PGM3: variants seen among roughly 807,000 people sequenced by gnomAD.
PGM3 encodes phosphoglucomutase 3.
PGM3 carries 40 observed loss-of-function variants against 66.2 expected under a neutral mutation model. The observed-to-expected ratio is 0.60, with a 90% CI of 0.47 to 0.79. PGM3 has a LOEUF of 0.79. Ranked by LOEUF, PGM3 falls within the 30% of genes least tolerant of loss-of-function variation. The pLI, the probability that PGM3 is intolerant of heterozygous loss-of-function variation, is 0.00. For missense variants in PGM3, 537 were observed against 643.4 expected (o/e 0.83, Z 1.79); for synonymous variants, 191 against 224.2 (o/e 0.85, Z 1.32).
At chr6:83,156,059 G>C in the PGM3 span, 14 of 1,613,854 alleles carry the variant, frequency 8.7e-6, no homozygotes, top group Non-Finnish European at 1.1e-5. Context: ...GCTATTTTTA[G>C]CAGTGAAATT....
chr6:83,156,208 A>G (rs1459752949), downstream of PGM3: 2 of 877,128 alleles, frequency 2.3e-6, no homozygotes, highest in Non-Finnish European at 3.3e-6. Flanking sequence ...TCAAGTGTAG[A>G]TCAATCGGGA....
chr6:83,172,663 CAA>C (rs1200061000), intron 10 of PGM3, among the ~76,000 whole-genome samples: 1 of 151,728 alleles, frequency 6.6e-6, no homozygotes, highest in Non-Finnish European at 1.5e-5. Flanking sequence ...CATCTCAAAA[CAA>C]AACAACAACA....
At chr6:83,163,777 A>T (rs1784786177), downstream of PGM3, among the ~76,000 whole-genome samples, 1 of 152,168 alleles carries the variant, frequency 6.6e-6, no homozygotes, top group African/African-American at 2.4e-5. Flanking sequence ...TCAGAGTTAA[A>T]CTGGCTTTAT....
In PGM3 at chr6:83,176,027, G is replaced by A; in HGVS notation, c.1063C>T (p.His355Tyr). 6.2e-7 allele frequency: 1 copy of A among 1,608,608 alleles called. No homozygotes were observed. The highest frequency in any genetic ancestry group is 8.5e-7 in the Non-Finnish European group (1 of 1,175,084). The change falls in exon 9 of 13, where the codon CAT becomes TAT. Residue 355 changes from histidine (H) to tyrosine (Y), a missense_variant. His to Tyr is a moderately conservative substitution (Grantham distance 83). Coordinates refer to ENST00000513973, the MANE Select transcript of PGM3 (RefSeq NM_015599.3). The part of the protein sequence containing the change: ...PVYCTKTGVK[H>Y]LHHKAQEFDI... ...AACTCTTGAGCCTTGTGGTGCAAATGTTTTACACCAGTCTTAGTGCAATAG... is the reference window on the plus strand; with the variant it reads ...AACTCTTGAGCCTTGTGGTGCAAATATTTTACACCAGTCTTAGTGCAATAG...
chr6:83,181,760 TCA>T lies in PGM3; in HGVS notation c.761_762del (p.Val254GlufsTer13). On this transcript the variant is annotated frameshift_variant, in exon 6 of 13. Coordinates refer to ENST00000513973, the MANE Select transcript of PGM3 (RefSeq NM_015599.3). LOFTEE classifies it high-confidence loss of function. ...KLNHLCGADF[V>X]KSHQKPPQGM... ...CCCTGTGGAGGTTTCTGATGACTTT[TCA>T]CAAAGTCAGCTCCACATAAATGATT... The T allele has an allele frequency of 1.2e-6, 2 of 1,611,134 alleles. No homozygotes were observed. Among genetic ancestry groups the T allele is most frequent in the Non-Finnish European group, 1.7e-6 (2 of 1,179,196 alleles).
At chr6:83,157,608 A>G (rs1277885324), downstream of PGM3, among the ~76,000 whole-genome samples, 1 of 152,254 alleles carries the variant, frequency 6.6e-6, no homozygotes, top group Non-Finnish European at 1.5e-5. Context: ...TAACTCTGTC[A>G]TGGCCTACAG....
In PGM3 at chr6:83,188,624, T is replaced by TA. The variant is rs2128506370; in HGVS notation, c.378dup (p.Arg127Ter). 2 of 1,611,584 alleles carry TA rather than the reference T, an allele frequency of 1.2e-6. No individual in the cohort carries two copies. The highest frequency in any genetic ancestry group is 2.2e-5 in the South Asian group (2 of 91,028). ...AACTCTTATCATCACCTGGTATCTCTACCAATAACTACAAAGGCATCTTGT... is the reference window on the plus strand; with the variant it reads ...AACTCTTATCATCACCTGGTATCTCTAACCAATAACTACAAAGGCATCTTGT... On this transcript the variant is annotated frameshift_variant, in exon 3 of 13. Transcript: ENST00000513973. LOFTEE classifies it high-confidence loss of function.
At chr6:83,160,029 G>T, downstream of PGM3, 1 of 1,484,028 alleles carries the variant, frequency 6.7e-7, no homozygotes, top group South Asian at 1.2e-5. Context: ...TGACATCTAT[G>T]ACTAATTAAA....
intron 4 of PGM3, 35 bp from the exon 5 acceptor site, chr6:83,183,013 T>G (rs1788310524): frequency 6.3e-7 from 1 of 1,595,578 alleles, no homozygotes. Context: ...TTCACCGCAT[T>G]TCTTAACAAA....
Position 83,189,002 on chromosome 6 carries a change from C to T in PGM3, c.205-204G>A, listed in dbSNP as rs140779966. Among the ~76,000 whole-genome samples, 63 of 152,294 alleles carry T rather than the reference C, an allele frequency of 4.1e-4. 1 individual carries two copies. The East Asian group carries it at 7.5e-3, about 18-fold the overall frequency. ...ATTAAATCCTCATGACACACATAATCAATTAAACTAATAATCCTATTTTAA... is the reference window on the plus strand; with the variant it reads ...ATTAAATCCTCATGACACACATAATTAATTAAACTAATAATCCTATTTTAA... On this transcript the variant is annotated intron_variant, in intron 2 of 12. Transcript: ENST00000513973.
rs1335410252 is a variant in PGM3, at chr6:83,167,791, A to G, written c.*1443T>C. ...TTCTTGACCAATTGCCAAAGTTTATATATTTTTAATTTTTCTAACATACCA... is the reference window on the plus strand; with the variant it reads ...TTCTTGACCAATTGCCAAAGTTTATGTATTTTTAATTTTTCTAACATACCA... On this transcript the variant is annotated 3_prime_UTR_variant, in exon 13 of 13. Transcript: ENST00000513973. The G allele has an allele frequency of 4.7e-6, 7 of 1,480,646 alleles. No homozygotes were observed. Among genetic ancestry groups the G allele is most frequent in the South Asian group, 1.4e-5 (1 of 70,052 alleles). 91.7% of individuals were successfully genotyped at this position (1,480,646 alleles called of 1,614,324 possible). A position where few individuals can be genotyped will look rare whatever the true frequency, so the allele number is the denominator to read the frequency against.
intron 1 of PGM3, among the ~76,000 whole-genome samples, chr6:83,191,514 T>C (rs901348673): frequency 6.6e-6 from 1 of 152,218 alleles, no homozygotes; most frequent in Non-Finnish European, 1.5e-5. Flanking sequence ...TCTTTTGCTA[T>C]TTCTCCCAAA....
chr6:83,192,342 T>C (rs1216802533), intron 1 of PGM3, among the ~76,000 whole-genome samples: 1 of 152,218 alleles, frequency 6.6e-6, no homozygotes, highest in Non-Finnish European at 1.5e-5. Flanking sequence ...AAGTGGAACT[T>C]GGGGTTTCCA....
Position 83,169,021 on chromosome 6 carries a change from C to G in PGM3, c.*213G>C. 1 of 1,350,298 alleles carries G rather than the reference C, an allele frequency of 7.4e-7. No individual in the cohort carries two copies. The highest frequency in any genetic ancestry group is 9.5e-7 in the Non-Finnish European group (1 of 1,050,284). The allele number at this position is 1,350,298 out of a possible 1,614,324, so 83.6% of individuals were successfully genotyped here. On this transcript the variant is annotated 3_prime_UTR_variant, in exon 13 of 13. Coordinates refer to ENST00000513973, the MANE Select transcript of PGM3 (RefSeq NM_015599.3). ...GTCCCAGTATTTTACATTAGTGAGA[C>G]TGAAATTAGAGGTAAATTTCTTTAA...
intron 7 of PGM3, among the ~76,000 whole-genome samples, chr6:83,179,134 A>C (rs184828384): frequency 9.2e-5 from 14 of 152,134 alleles, no homozygotes; most frequent in Admixed American, 3.3e-4. Flanking sequence ...AACATGGTGA[A>C]ACCCCATCTC....
Position 83,176,034 on chromosome 6 carries a change from A to C in PGM3, c.1056T>G (p.Gly352=). ...MKVPVYCTKT[G]VKHLHHKAQE... The stretch of plus-strand genomic sequence containing the variant: ...GAGCCTTGTGGTGCAAATGTTTTAC[A>C]CCAGTCTTAGTGCAATAGACAGGTA... Residue 352 remains glycine (G), a synonymous_variant, in exon 9 of 13, where the codon GGT becomes GGG. Transcript: ENST00000513973. 1.2e-6 allele frequency: 2 copies of C among 1,608,036 alleles called. No homozygotes were observed. Among genetic ancestry groups the C allele is most frequent in the Non-Finnish European group, 1.7e-6 (2 of 1,174,508 alleles).
chr6:83,164,090 T>C (rs901518036), downstream of PGM3, among the ~76,000 whole-genome samples: 1 of 147,928 alleles, frequency 6.8e-6, no homozygotes. Flanking sequence ...CTAGGTTGTC[T>C]GGTGAGATCT....
At chr6:83,181,267 ATACT>A (rs1319605716) in intron 6 of PGM3, among the ~76,000 whole-genome samples, 2 of 152,204 alleles carry the variant, frequency 1.3e-5, no homozygotes, top group African/African-American at 4.8e-5. Context: ...GTATCTAATA[ATACT>A]TACTATGCTC....
intron 2 of PGM3, 51 bp downstream of exon 2, chr6:83,190,758 G>T (rs375980013): frequency 1.2e-5 from 16 of 1,383,990 alleles, no homozygotes; most frequent in Non-Finnish European, 1.5e-5. Context: ...AGACACTAAG[G>T]CTTGGTCTTG....
Sources: gnomAD v4.1 joint callset for allele counts (sites outside exome capture counted in the v4.1 genomes callset) on GRCh38, gnomAD v4.1.1 for gene constraint, MANE v1.5 for transcripts, NCBI Gene and HGNC (gene_info 2026-07-23, HGNC 2026-07-21) for gene names.